The following MYO16 variants were observed in gnomAD, a reference collection of about 807,000 sequenced individuals.
The protein encoded by MYO16 is unconventional myosin-XVI.
In MYO16, 94 loss-of-function variants were observed where a neutral mutation model predicts 205.3. The observed-to-expected ratio is 0.46, with a 90% CI of 0.39 to 0.54. The LOEUF (loss-of-function observed/expected upper bound fraction) is 0.54. Ranked by LOEUF, MYO16 falls within the 20% of genes least tolerant of loss-of-function variation. The pLI is 0.00. For synonymous variants in MYO16, 988 were observed against 954.0 expected (o/e 1.04, Z -0.66); for missense variants, 2,315 against 2,387.5 (o/e 0.97, Z 0.63).
At chr13:108,744,189 T>G (rs1269239561) in intron 4 of MYO16, among the ~76,000 whole-genome samples, 2 of 152,358 alleles carry the variant, frequency 1.3e-5, no homozygotes, top group Non-Finnish European at 2.9e-5. Flanking sequence ...AATTGAAGTT[T>G]TCAGGCTTGA....
chr13:108,699,845 A>G (rs1883231148), intron 2 of MYO16, among the ~76,000 whole-genome samples: 1 of 152,096 alleles, frequency 6.6e-6, no homozygotes, highest in Admixed American at 6.6e-5. Flanking sequence ...ATGTTAGCTA[A>G]TTTCTTCTTC....
intron 4 of MYO16, among the ~76,000 whole-genome samples, chr13:108,734,429 C>T (rs933873603): frequency 7.2e-5 from 11 of 152,178 alleles, no homozygotes; most frequent in Non-Finnish European, 1.3e-4. Context: ...GCTTATAGAA[C>T]ATGTTTAAAG....
chr13:109,191,426 T>C (rs925463745), intron 34 of MYO16, among the ~76,000 whole-genome samples: 9 of 151,790 alleles, frequency 5.9e-5, no homozygotes, highest in Admixed American at 1.3e-4. Context: ...GAAAAAATCA[T>C]ATGGAAAAAA....
intron 20 of MYO16, among the ~76,000 whole-genome samples, chr13:108,983,414 G>A (rs1884516944): frequency 6.6e-6 from 1 of 152,130 alleles, no homozygotes; most frequent in South Asian, 2.1e-4. Flanking sequence ...TTCAAGAAAG[G>A]GAGTGCCTGT....
chr13:108,676,821 T>C (rs1474442719), intron 2 of MYO16, among the ~76,000 whole-genome samples: 1 of 152,168 alleles, frequency 6.6e-6, no homozygotes, highest in African/African-American at 2.4e-5. Flanking sequence ...CTGTGTCTAC[T>C]GTGTCTTTGC....
rs1880634439 is a variant in MYO16 at position 109,207,110 on chromosome 13, G to T, written c.*274G>T. The T allele has an allele frequency of 2.4e-6, 1 of 413,354 alleles. No individual in the cohort carries two copies. Among genetic ancestry groups the T allele is most frequent in the African/African-American group, 2.0e-5 (1 of 50,184 alleles). 25.6% of individuals were successfully genotyped at this position (413,354 alleles called of 1,614,324 possible). On this transcript the variant is annotated 3_prime_UTR_variant, in exon 35 of 35. Coordinates refer to ENST00000457511, the MANE Select transcript of MYO16 (RefSeq NM_001198950.3). ...TGTGCTACCCCTAGGTAGCAAGAGA[G>T]AGGCTGGGAAAAGTGTGGACGTGGC...
At chr13:108,630,707 A>C (rs186598307) in intron 1 of MYO16, among the ~76,000 whole-genome samples, 1 of 152,318 alleles carries the variant, frequency 6.6e-6, no homozygotes, top group East Asian at 1.9e-4. Context: ...TTTTAAGCTT[A>C]AGGTTTTGCT....
At chr13:108,970,394 G>A (rs966385036) in intron 20 of MYO16, among the ~76,000 whole-genome samples, 3 of 152,172 alleles carry the variant, frequency 2.0e-5, no homozygotes, top group Middle Eastern at 6.8e-3. Flanking sequence ...ACTTAATCAG[G>A]TCCCGAGACT....
chr13:108,548,161 TA>T, the MYO16 span, among the ~76,000 whole-genome samples: 1 of 152,086 alleles, frequency 6.6e-6, no homozygotes, highest in Non-Finnish European at 1.5e-5. Flanking sequence ...AGGTAAAAAT[TA>T]GTTTACAAGT....
In MYO16 at chr13:108,961,533, G is replaced by C. The variant is rs1163197364; in HGVS notation, c.2038-6G>C. ...TATTCATTCTCTCTGTTTGTAAAAT[G>C]CATAGGAGGTGGAGAATCTGTTCGT... On this transcript the variant is annotated splice_region_variant and splice_polypyrimidine_tract_variant and intron_variant, in intron 17 of 34. Transcript: ENST00000457511. The C allele has an allele frequency of 1.9e-6, 3 of 1,608,070 alleles. 1 individual carries two copies. In the South Asian group the frequency reaches 3.3e-5, roughly 18 times the overall value.
chr13:108,626,153 C>G (rs527416846), upstream of MYO16, among the ~76,000 whole-genome samples: 1 of 151,768 alleles, frequency 6.6e-6, no homozygotes, highest in African/African-American at 2.4e-5. Context: ...ATAATGCTAA[C>G]ATTTAAGAGA....
At chr13:109,003,764 C>T (rs1885299588) in intron 21 of MYO16, among the ~76,000 whole-genome samples, 1 of 152,118 alleles carries the variant, frequency 6.6e-6, no homozygotes, top group East Asian at 1.9e-4. Flanking sequence ...TATCAGAAGC[C>T]TCAGGTCAGT....
chr13:108,600,042 C>T (rs980166688), intron 1 of MYO16, among the ~76,000 whole-genome samples: 2 of 152,072 alleles, frequency 1.3e-5, no homozygotes, highest in Non-Finnish European at 2.9e-5. Context: ...TTTGTACAAA[C>T]AAAATTATTC....
intron 2 of MYO16, among the ~76,000 whole-genome samples, chr13:108,697,521 A>G (rs1883136231): frequency 6.6e-6 from 1 of 152,226 alleles, no homozygotes; most frequent in African/African-American, 2.4e-5. Flanking sequence ...TCTAATGTAG[A>G]ACAAAGGCAT....
At chr13:108,879,173 C>T (rs1002830175) in intron 12 of MYO16, among the ~76,000 whole-genome samples, 3 of 152,298 alleles carry the variant, frequency 2.0e-5, no homozygotes, top group African/African-American at 7.2e-5. Flanking sequence ...GATTGGTTAC[C>T]TGTGTTTGTA....
chr13:109,041,367 G>T (rs1886879453), intron 23 of MYO16, among the ~76,000 whole-genome samples: 1 of 152,152 alleles, frequency 6.6e-6, no homozygotes, highest in Non-Finnish European at 1.5e-5. Flanking sequence ...TAAAGGTATA[G>T]ATGATACCAT....
intron 16 of MYO16, among the ~76,000 whole-genome samples, chr13:108,950,917 A>G (rs1883121997): frequency 6.6e-6 from 1 of 152,140 alleles, no homozygotes; most frequent in South Asian, 2.1e-4. Flanking sequence ...CTGTGCTCCC[A>G]GTTTTTGATT....
At chr13:108,773,230 T>C (rs1230048880) in intron 4 of MYO16, among the ~76,000 whole-genome samples, 1 of 152,180 alleles carries the variant, frequency 6.6e-6, no homozygotes. Context: ...TGTTAGCATA[T>C]AAATTTGGGG....
chr13:108,931,694 G>A (rs1426532787), intron 16 of MYO16, among the ~76,000 whole-genome samples: 1 of 152,138 alleles, frequency 6.6e-6, no homozygotes, highest in Non-Finnish European at 1.5e-5. Context: ...CACATAATAG[G>A]TATGTGATAA....
Sources: gnomAD v4.1 joint callset for allele counts (sites outside exome capture counted in the v4.1 genomes callset) on GRCh38, gnomAD v4.1.1 for gene constraint, MANE v1.5 for transcripts, NCBI Gene and HGNC (gene_info 2026-07-23, HGNC 2026-07-21) for gene names.